The following GALNT10 variants were observed in gnomAD, a reference collection of about 807,000 sequenced individuals.
GALNT10 encodes polypeptide N-acetylgalactosaminyltransferase 10.
A neutral mutation model predicts 75.0 loss-of-function variants in GALNT10; 41 were observed. That is an observed-to-expected ratio of 0.55 (90% confidence interval 0.43 to 0.71). The LOEUF is 0.71. Among genes scored for constraint, GALNT10 ranks in the 30% least tolerant of loss-of-function variants. The probability of loss-of-function intolerance (pLI) is 0.00; values close to 1 mark genes in which losing one functional copy is unlikely to be tolerated. For missense variants in GALNT10, 727 were observed against 818.5 expected, an observed-to-expected ratio of 0.89 and a Z score of 1.36; for synonymous variants, 302 against 313.0, an observed-to-expected ratio of 0.96 and a Z score of 0.37.
chr5:154,347,364 T>C (rs1244200868), intron 4 of GALNT10: 1 of 364,530 alleles, frequency 2.7e-6, no homozygotes, highest in African/African-American at 2.3e-5. Context: ...GAATAACTTA[T>C]AAGGATTTTT....
At chr5:154,240,621 TATTA>T (rs1460391444) in intron 1 of GALNT10, among the ~76,000 whole-genome samples, 1 of 152,230 alleles carries the variant, frequency 6.6e-6, no homozygotes, top group African/African-American at 2.4e-5. Flanking sequence ...TAATAAATGC[TATTA>T]ATTGATTGAA....
chr5:154,191,428 T>TCCCCCCCC (rs1488717121), intron 1 of GALNT10, among the ~76,000 whole-genome samples: 2 of 29,822 alleles, frequency 6.7e-5, no homozygotes, highest in African/African-American at 3.0e-4. Context: ...TCTGCTTCCC[T>TCCCCCCCC]CCTCCCACCC....
intron 1 of GALNT10, among the ~76,000 whole-genome samples, chr5:154,265,483 T>C (rs1753763528): frequency 6.6e-6 from 1 of 152,234 alleles, no homozygotes; most frequent in African/African-American, 2.4e-5. Flanking sequence ...GTGTACAGAC[T>C]GAGTTTTCAA....
chr5:154,275,959 G>A (rs1287870910), intron 1 of GALNT10, among the ~76,000 whole-genome samples: 3 of 152,102 alleles, frequency 2.0e-5, no homozygotes, highest in Non-Finnish European at 4.4e-5. Context: ...AGAGCACAAG[G>A]GACAGAAGAT....
At chr5:154,297,899 C>G in intron 2 of GALNT10, 42 bp from the exon 3 acceptor site, 2 of 1,581,728 alleles carry the variant, frequency 1.3e-6, no homozygotes, top group Non-Finnish European at 1.7e-6. Context: ...ATACAGTACC[C>G]CATACATCAT....
At chr5:154,350,884 A>G (rs1739154504) in intron 4 of GALNT10, among the ~76,000 whole-genome samples, 1 of 152,228 alleles carries the variant, frequency 6.6e-6, no homozygotes, top group South Asian at 2.1e-4. Flanking sequence ...ACTTGAGGGT[A>G]CACCAGAATC....
At chr5:154,317,837 G>C (rs1754617519) in intron 3 of GALNT10, among the ~76,000 whole-genome samples, 1 of 152,176 alleles carries the variant, frequency 6.6e-6, no homozygotes, top group Non-Finnish European at 1.5e-5. Flanking sequence ...GCTCGATCCG[G>C]GTCCCCGACT....
chr5:154,304,423 T>C (rs1305382345), intron 3 of GALNT10, among the ~76,000 whole-genome samples: 1 of 152,094 alleles, frequency 6.6e-6, no homozygotes, highest in Non-Finnish European at 1.5e-5. Context: ...AAGAGGAGAA[T>C]TCTTGTTGTA....
intron 1 of GALNT10, among the ~76,000 whole-genome samples, chr5:154,266,961 T>G (rs905898563): frequency 6.6e-6 from 1 of 152,190 alleles, no homozygotes; most frequent in African/African-American, 2.4e-5. Context: ...TACCCATAGC[T>G]CATTACCTAG....
chr5:154,384,685 C>T (rs956279964), intron 6 of GALNT10, among the ~76,000 whole-genome samples: 5 of 152,190 alleles, frequency 3.3e-5, no homozygotes, highest in African/African-American at 7.2e-5. Context: ...GAATTTCTCA[C>T]GCCCTGTTCT....
chr5:154,317,054 C>A (rs1186012773), intron 3 of GALNT10, among the ~76,000 whole-genome samples: 1 of 152,194 alleles, frequency 6.6e-6, no homozygotes. Context: ...CATGGTGTTA[C>A]CATCCCTATT....
At chr5:154,199,106 C>T (rs1257409944) in intron 1 of GALNT10, among the ~76,000 whole-genome samples, 1 of 152,144 alleles carries the variant, frequency 6.6e-6, no homozygotes, top group Non-Finnish European at 1.5e-5. Flanking sequence ...GGTTGGTACT[C>T]AGTAACTGCT....
chr5:154,249,863 C>G (rs1246149454), intron 1 of GALNT10, among the ~76,000 whole-genome samples: 2 of 152,174 alleles, frequency 1.3e-5, no homozygotes, highest in Non-Finnish European at 2.9e-5. Flanking sequence ...ACAGATCACC[C>G]ATGTTGGCCT....
intron 4 of GALNT10, among the ~76,000 whole-genome samples, chr5:154,357,322 C>T (rs1755311756): frequency 6.6e-6 from 1 of 152,156 alleles, no homozygotes; most frequent in Non-Finnish European, 1.5e-5. Flanking sequence ...AGCAACACGT[C>T]TCTAACTATA....
At chr5:154,355,330 G>A (rs1158311793) in intron 4 of GALNT10, among the ~76,000 whole-genome samples, 1 of 152,184 alleles carries the variant, frequency 6.6e-6, no homozygotes, top group African/African-American at 2.4e-5. Context: ...AGTCCCACTA[G>A]TCCTAGAGGC....
At chr5:154,405,661 A>G (rs1756264826) in intron 8 of GALNT10, among the ~76,000 whole-genome samples, 1 of 152,090 alleles carries the variant, frequency 6.6e-6, no homozygotes, top group Non-Finnish European at 1.5e-5. Context: ...TTTCCTCTGC[A>G]GAGCTGTTGT....
At chr5:154,207,705 G>T (rs1230757277) in intron 1 of GALNT10, among the ~76,000 whole-genome samples, 2 of 152,172 alleles carry the variant, frequency 1.3e-5, no homozygotes, top group African/African-American at 4.8e-5. Flanking sequence ...GTAGTGAAGG[G>T]ATTCCAGGTA....
chr5:154,341,063 A>C (rs749475177), intron 4 of GALNT10, among the ~76,000 whole-genome samples: 1 of 152,168 alleles, frequency 6.6e-6, no homozygotes, highest in Non-Finnish European at 1.5e-5. Flanking sequence ...ATCTCATGAA[A>C]ATGGAATTTT....
chr5:154,248,464 T>C (rs1393590434), intron 1 of GALNT10, among the ~76,000 whole-genome samples: 1 of 152,220 alleles, frequency 6.6e-6, no homozygotes, highest in Non-Finnish European at 1.5e-5. Flanking sequence ...GTTGGTAAGC[T>C]ATTAATTATT....
Sources: allele counts gnomAD v4.1 joint callset (sites outside exome capture counted in the v4.1 genomes callset), GRCh38; gene constraint gnomAD v4.1.1; transcripts MANE v1.5; gene names NCBI Gene and HGNC (gene_info 2026-07-23, HGNC 2026-07-21).